The following ANKS1B variants were observed in gnomAD, a reference collection of about 807,000 sequenced individuals.
ANKS1B encodes the protein ankyrin repeat and sterile alpha motif domain containing 1B, also known as ankyrin repeat and sterile alpha motif domain-containing protein 1B.
ANKS1B carries 36 observed loss-of-function variants against 148.3 expected under a neutral mutation model. The ratio of observed to expected loss-of-function variants is 0.24; its 90% CI spans 0.19 to 0.32. ANKS1B has a LOEUF of 0.32. Ranked by LOEUF, ANKS1B falls within the 10% of genes least tolerant of loss-of-function variation. The pLI, the probability that ANKS1B is intolerant of heterozygous loss-of-function variation, is 1.00. For missense variants in ANKS1B, 1,157 were observed against 1,542.6 expected, an observed-to-expected ratio of 0.75 and a Z score of 4.19; for synonymous variants, 542 against 560.8, an observed-to-expected ratio of 0.97 and a Z score of 0.47.
chr12:99,402,892 T>C (rs7306479), intron 11 of ANKS1B, among the ~76,000 whole-genome samples: 51,156 of 144,606 alleles, frequency 0.35, 14,677 homozygotes, highest in African/African-American at 0.63. Flanking sequence ...GAGGAATCAC[T>C]GCATTCTCTT....
chr12:99,585,245 G>A (rs1426920480), intron 9 of ANKS1B, among the ~76,000 whole-genome samples: 8 of 152,132 alleles, frequency 5.3e-5, no homozygotes, highest in South Asian at 2.1e-4. Flanking sequence ...AAGGGACTAC[G>A]GGCCCCAGGC....
intron 8 of ANKS1B, among the ~76,000 whole-genome samples, chr12:99,768,124 G>C (rs1182976648): frequency 1.3e-5 from 2 of 152,104 alleles, no homozygotes; most frequent in Non-Finnish European, 2.9e-5. Context: ...AAATATGGAT[G>C]CTACAAAACA....
chr12:99,419,375 A>G (rs2095014621), intron 11 of ANKS1B, among the ~76,000 whole-genome samples: 1 of 152,168 alleles, frequency 6.6e-6, no homozygotes, highest in Non-Finnish European at 1.5e-5. Flanking sequence ...CTAAGTTGTC[A>G]AATTTATGTA....
intron 16 of ANKS1B, among the ~76,000 whole-genome samples, chr12:99,078,755 G>A (rs115390805): frequency 0.037 from 2,519 of 67,730 alleles, 68 homozygotes; most frequent in African/African-American, 0.11. Flanking sequence ...CACCCTGCCC[G>A]CCCTACCCCA....
intron 1 of ANKS1B, among the ~76,000 whole-genome samples, chr12:99,950,361 T>C (rs2095185788): frequency 1.3e-5 from 2 of 152,008 alleles, no homozygotes; most frequent in Non-Finnish European, 2.9e-5. Flanking sequence ...ATTCCTATTA[T>C]AGTAACTGAG....
intron 1 of ANKS1B, among the ~76,000 whole-genome samples, chr12:99,868,920 G>C (rs184094085): frequency 1.1e-4 from 17 of 152,154 alleles, no homozygotes; most frequent in South Asian, 6.2e-4. Context: ...AGCCGGGCAT[G>C]GTGGCAGGCT....
rs969628076 is a variant in ANKS1B at position 99,539,792 on chromosome 12, T to C, written c.1273-35151A>G. Among the ~76,000 whole-genome samples, 18 of 152,148 alleles carry C rather than the reference T, an allele frequency of 1.2e-4. 2 individuals carry two copies. Among genetic ancestry groups the C allele is most frequent in the Admixed American group, 1.0e-3 (16 of 15,274 alleles). On this transcript the variant is annotated intron_variant, in intron 9 of 26. Coordinates refer to ENST00000683438, the MANE Select transcript of ANKS1B (RefSeq NM_001352186.2). ...CTGTGTTGCCCAGGCTGGTTTCAAA[T>C]TCCTGGCCTCAAGGGATCCTTCTGC...
chr12:99,282,447 G>T (rs1266743617), intron 12 of ANKS1B, among the ~76,000 whole-genome samples: 1 of 152,136 alleles, frequency 6.6e-6, no homozygotes, highest in Non-Finnish European at 1.5e-5. Flanking sequence ...TGGAGGGTTT[G>T]GGGGAGAGAT....
chr12:99,316,979 T>C (rs1220426691), intron 12 of ANKS1B, among the ~76,000 whole-genome samples: 1 of 152,212 alleles, frequency 6.6e-6, no homozygotes, highest in African/African-American at 2.4e-5. Context: ...CAGATGGTTG[T>C]AGATGTGTGG....
chr12:99,223,587 T>C (rs2153940906), intron 14 of ANKS1B, among the ~76,000 whole-genome samples: 1 of 152,258 alleles, frequency 6.6e-6, no homozygotes, highest in Non-Finnish European at 1.5e-5. Flanking sequence ...CTGCTGCTGA[T>C]GTGACAGGAT....
intron 21 of ANKS1B, 87 bp from the exon 22 acceptor site, chr12:98,799,092 G>T: frequency 1.1e-6 from 1 of 911,948 alleles, no homozygotes; most frequent in Admixed American, 3.2e-5. Context: ...AGTATTACTG[G>T]CTAGGTTTCC....
intron 17 of ANKS1B, among the ~76,000 whole-genome samples, chr12:98,891,837 G>T (rs935162656): frequency 6.6e-6 from 1 of 151,916 alleles, no homozygotes; most frequent in Admixed American, 6.5e-5. Flanking sequence ...CCCACAGAAG[G>T]AAAAAAATGG....
intron 12 of ANKS1B, among the ~76,000 whole-genome samples, chr12:99,381,157 C>T (rs554812637): frequency 1.9e-4 from 29 of 152,196 alleles, no homozygotes; most frequent in Non-Finnish European, 1.3e-4. Flanking sequence ...TTTCAGACTT[C>T]TAGGCTCCAG....
intron 8 of ANKS1B, among the ~76,000 whole-genome samples, chr12:99,770,396 G>A (rs1322360996): frequency 1.3e-5 from 2 of 152,024 alleles, no homozygotes; most frequent in African/African-American, 2.4e-5. Flanking sequence ...ATCTGTATTA[G>A]GTGACCTATA....
chr12:98,819,733 T>C (rs909942842), intron 19 of ANKS1B, among the ~76,000 whole-genome samples: 1 of 152,226 alleles, frequency 6.6e-6, no homozygotes, highest in Admixed American at 6.5e-5. Context: ...TAAAATTCTC[T>C]GCTTTTCTTT....
At chr12:99,474,655 G>A (rs949491819) in intron 10 of ANKS1B, among the ~76,000 whole-genome samples, 1 of 151,932 alleles carries the variant, frequency 6.6e-6, no homozygotes, top group Non-Finnish European at 1.5e-5. Flanking sequence ...TCATATTTTA[G>A]AATTAAAATT....
At chr12:98,874,245 CT>C (rs1158344243) in intron 17 of ANKS1B, among the ~76,000 whole-genome samples, 2 of 151,914 alleles carry the variant, frequency 1.3e-5, no homozygotes, top group Non-Finnish European at 2.9e-5. Context: ...CAATAACAAT[CT>C]GTTAACATCT....
intron 16 of ANKS1B, among the ~76,000 whole-genome samples, chr12:99,060,728 T>C (rs2042185122): frequency 6.9e-6 from 1 of 144,370 alleles, no homozygotes; most frequent in Non-Finnish European, 1.5e-5. Flanking sequence ...GAGCCTGTCA[T>C]TCCATCATTC....
At chr12:99,854,988 T>C (rs1031487464) in intron 1 of ANKS1B, among the ~76,000 whole-genome samples, 7 of 151,476 alleles carry the variant, frequency 4.6e-5, no homozygotes, top group East Asian at 1.9e-4. Context: ...AATAATACAA[T>C]TGAAAAAAAA....
Sources: gnomAD v4.1 joint callset for allele counts (sites outside exome capture counted in the v4.1 genomes callset) on GRCh38, gnomAD v4.1.1 for gene constraint, MANE v1.5 for transcripts, NCBI Gene and HGNC (gene_info 2026-07-23, HGNC 2026-07-21) for gene names.